The following NT5M variants were observed in gnomAD, a reference collection of about 807,000 sequenced individuals.
The protein encoded by NT5M is 5'(3')-deoxyribonucleotidase, mitochondrial.
A neutral mutation model predicts 22.2 loss-of-function variants in NT5M; 22 were observed. The ratio of observed to expected loss-of-function variants is 0.99; its 90% CI spans 0.71 to 1.41. NT5M has a LOEUF of 1.41. Ranked by LOEUF, NT5M falls within the 40% of genes most tolerant of loss-of-function variation. NT5M has a pLI of 0.00. For synonymous variants in NT5M, 167 were observed against 133.0 expected, an observed-to-expected ratio of 1.26 and a Z score of -1.76; for missense variants, 322 against 314.8, an observed-to-expected ratio of 1.02 and a Z score of -0.17.
intron 3 of NT5M, among the ~76,000 whole-genome samples, chr17:17,331,204 C>G (rs1278394232): frequency 1.3e-5 from 2 of 151,536 alleles, no homozygotes; most frequent in East Asian, 3.9e-4. Flanking sequence ...TCAGGAGCTT[C>G]CCCTGGAGCT....
At chr17:17,311,228 C>T (rs944499112) in intron 2 of NT5M, among the ~76,000 whole-genome samples, 1 of 151,838 alleles carries the variant, frequency 6.6e-6, no homozygotes, top group African/African-American at 2.4e-5. Flanking sequence ...GTCCCAGCTA[C>T]TCAGGAGGCT....
At chr17:17,340,505 A>C (rs2049615517) in intron 3 of NT5M, among the ~76,000 whole-genome samples, 1 of 146,770 alleles carries the variant, frequency 6.8e-6, no homozygotes, top group Non-Finnish European at 1.5e-5. Flanking sequence ...GATTTTTGTT[A>C]TTTCTTTTCT....
chr17:17,315,743 GGTTTTTTTGTTTT>G (rs1413084252), intron 2 of NT5M, among the ~76,000 whole-genome samples: 90 of 131,328 alleles, frequency 6.9e-4, no homozygotes, highest in African/African-American at 1.9e-3. Context: ...TCTAACTTAG[GGTTTTTTTGTTTT>G]TTTTTTTTTT....
chr17:17,321,769 G>A (rs1464268878), intron 2 of NT5M, among the ~76,000 whole-genome samples: 1 of 151,894 alleles, frequency 6.6e-6, no homozygotes, highest in Non-Finnish European at 1.5e-5. Flanking sequence ...AGCACAAGCA[G>A]AGGATGGCAG....
chr17:17,307,665 G>T (rs183136548), intron 2 of NT5M, among the ~76,000 whole-genome samples: 67 of 151,912 alleles, frequency 4.4e-4, no homozygotes, highest in African/African-American at 1.6e-3. Context: ...AGACCAGCCT[G>T]CGTAGCATGG....
chr17:17,314,146 G>T (rs1229046190), intron 2 of NT5M, among the ~76,000 whole-genome samples: 1 of 151,418 alleles, frequency 6.6e-6, no homozygotes, highest in Non-Finnish European at 1.5e-5. Flanking sequence ...TGATTCTCCT[G>T]CCTCAGCCTC....
chr17:17,305,706 G>C (rs1356841790), intron 1 of NT5M, among the ~76,000 whole-genome samples: 1 of 152,038 alleles, frequency 6.6e-6, no homozygotes, highest in African/African-American at 2.4e-5. Flanking sequence ...CTGCTCATAG[G>C]CTGAGATGTG....
intron 2 of NT5M, among the ~76,000 whole-genome samples, chr17:17,322,226 G>C (rs1048383071): frequency 4.6e-5 from 7 of 152,152 alleles, no homozygotes; most frequent in African/African-American, 1.7e-4. Flanking sequence ...GGGGTGTGCT[G>C]TCGAGTGTGG....
chr17:17,303,388 C>A lies in NT5M; in HGVS notation c.-163C>A. On this transcript the variant is annotated 5_prime_UTR_variant, in exon 1 of 5. Transcript: ENST00000389022. ...CCGCGGCCTCGCTCTGGGGCCGGTA[C>A]TTGCGCGCCCGCACCCCGCGCTCCC... The A allele has an allele frequency of 1.1e-6, 1 of 870,720 alleles. No homozygotes were observed. Among genetic ancestry groups the A allele is most frequent in the Non-Finnish European group, 1.4e-6 (1 of 723,076 alleles). The allele number at this position is 870,720 out of a possible 1,614,324, so 53.9% of individuals were successfully genotyped here.
At chr17:17,308,150 AAG>A (rs796744176) in intron 2 of NT5M, among the ~76,000 whole-genome samples, 6 of 152,316 alleles carry the variant, frequency 3.9e-5, no homozygotes, top group African/African-American at 1.4e-4. Flanking sequence ...TGTTTAAGGA[AAG>A]AGAAGTAGTA....
chr17:17,346,451 C>G (rs1218612745), intron 4 of NT5M, among the ~76,000 whole-genome samples: 2 of 152,074 alleles, frequency 1.3e-5, no homozygotes, highest in Non-Finnish European at 2.9e-5. Context: ...GGGGGAACAC[C>G]GTGTGGTGTA....
Position 17,327,807 on chromosome 17 carries a change from G to A in NT5M, c.429+4562G>A, listed in dbSNP as rs1357651856. On this transcript the variant is annotated intron_variant, in intron 3 of 4. Coordinates refer to ENST00000389022, the MANE Select transcript of NT5M (RefSeq NM_020201.4). ...TGGGATTACAGGCGTGAGCCACCAC[G>A]CCCGGCCAATTTTTTTGTATTTTTA... Among the ~76,000 whole-genome samples, 4 of 105,170 alleles carry A rather than the reference G, an allele frequency of 3.8e-5. 2 individuals carry two copies. The highest frequency in any genetic ancestry group is 2.0e-4 in the Admixed American group (2 of 10,038). 69.0% of individuals were successfully genotyped at this position (105,170 alleles called of 152,430 possible).
chr17:17,305,394 G>GCCCCCCCCC lies in NT5M; in HGVS notation c.268-1144_268-1136dup, dbSNP rs34579357. 4.5e-3 allele frequency among the ~76,000 whole-genome samples: 334 copies of GCCCCCCCCC among 74,126 alleles called. 2 individuals are homozygous for GCCCCCCCCC. The highest frequency in any genetic ancestry group is 6.1e-3 in the East Asian group (14 of 2,312). The allele number at this position is 74,126 out of a possible 152,430, so 48.6% of individuals were successfully genotyped here. The stretch of plus-strand genomic sequence containing the variant: ...CCCAGTATCTGTGGTTAAAACAACC[G>GCCCCCCCCC]CCCCCCCCCCCCCGCCCCCACACAC... On this transcript the variant is annotated intron_variant, in intron 1 of 4. Coordinates refer to ENST00000389022, the MANE Select transcript of NT5M (RefSeq NM_020201.4).
intron 2 of NT5M, among the ~76,000 whole-genome samples, chr17:17,314,377 GA>G: frequency 6.6e-6 from 1 of 152,216 alleles, no homozygotes; most frequent in Admixed American, 6.5e-5. Context: ...GAGCGTGTGT[GA>G]AAATGTGTCA....
At position 17,305,603 on chromosome 17, in the gene NT5M, C is replaced by T. The variant is rs546741516; in HGVS notation, c.268-940C>T. Among the ~76,000 whole-genome samples, 19 of 152,182 alleles carry T rather than the reference C, an allele frequency of 1.2e-4. No homozygotes were observed. The East Asian group carries it at 3.3e-3, about 26-fold the overall frequency. Reference sequence around the variant, plus strand: ...GCTGGTATGCTGTCAGGGCATCCTCCGGCCGTCCATGTGACAGGGTGGCTG... The same window carrying T: ...GCTGGTATGCTGTCAGGGCATCCTCTGGCCGTCCATGTGACAGGGTGGCTG... On this transcript the variant is annotated intron_variant, in intron 1 of 4. Coordinates refer to ENST00000389022, the MANE Select transcript of NT5M (RefSeq NM_020201.4).
intron 3 of NT5M, among the ~76,000 whole-genome samples, chr17:17,325,492 A>G (rs2049246925): frequency 6.6e-6 from 1 of 151,816 alleles, no homozygotes; most frequent in East Asian, 1.9e-4. Context: ...GATTTCGAAA[A>G]CGTGCCTGGC....
chr17:17,333,921 C>T (rs958419571), intron 3 of NT5M, among the ~76,000 whole-genome samples: 11 of 151,646 alleles, frequency 7.3e-5, no homozygotes, highest in Non-Finnish European at 1.5e-4. Flanking sequence ...GCAAACTCCA[C>T]CTCCCGGGTT....
At chr17:17,342,253 C>T (rs1409676933) in intron 3 of NT5M, among the ~76,000 whole-genome samples, 1 of 152,128 alleles carries the variant, frequency 6.6e-6, no homozygotes, top group African/African-American at 2.4e-5. Flanking sequence ...TACAAACAGC[C>T]CACTTTGTTT....
chr17:17,303,527 C>T lies in NT5M; in HGVS notation c.-24C>T. The T allele has an allele frequency of 9.6e-7, 1 of 1,038,434 alleles. No homozygotes were observed. Among genetic ancestry groups the T allele is most frequent in the African/African-American group, 1.7e-5 (1 of 58,216 alleles). 64.3% of individuals were successfully genotyped at this position (1,038,434 alleles called of 1,614,324 possible). A position where few individuals can be genotyped will look rare whatever the true frequency, so the allele number is the denominator to read the frequency against. On this transcript the variant is annotated 5_prime_UTR_variant, in exon 1 of 5. Coordinates refer to ENST00000389022, the MANE Select transcript of NT5M (RefSeq NM_020201.4). The stretch of plus-strand genomic sequence containing the variant: ...ACGGCGCGGCCCAGGTCCCCGCGCC[C>T]ACGACGGGCCAGCGCGCTGGGCCAT...
Sources: gnomAD v4.1 joint callset for allele counts (sites outside exome capture counted in the v4.1 genomes callset) on GRCh38, gnomAD v4.1.1 for gene constraint, MANE v1.5 for transcripts, NCBI Gene and HGNC (gene_info 2026-07-23, HGNC 2026-07-21) for gene names.